The following BRINP1 variants were observed in gnomAD, a reference collection of about 807,000 sequenced individuals.
BRINP1 encodes BMP/retinoic acid-inducible neural-specific protein 1.
In BRINP1, 17 loss-of-function variants were observed where a neutral mutation model predicts 72.9. The observed-to-expected ratio is 0.23, with a 90% CI of 0.16 to 0.35. The LOEUF (loss-of-function observed/expected upper bound fraction) is 0.35. Among genes scored for constraint, BRINP1 ranks in the 10% least tolerant of loss-of-function variants. The probability of loss-of-function intolerance (pLI) is 1.00; values close to 1 mark genes in which losing one functional copy is unlikely to be tolerated. For synonymous variants in BRINP1, 418 were observed against 378.5 expected (o/e 1.10, Z -1.21); for missense variants, 850 against 1,001.6 (o/e 0.85, Z 2.04).
chr9:119,338,183 T>A (rs945699301), intron 1 of BRINP1, among the ~76,000 whole-genome samples: 1 of 152,042 alleles, frequency 6.6e-6, no homozygotes, highest in African/African-American at 2.4e-5. Flanking sequence ...CAATCTCCAA[T>A]CTCTAAGGCT....
At chr9:119,237,352 T>TATG (rs1018829903) in intron 5 of BRINP1, among the ~76,000 whole-genome samples, 2 of 118,266 alleles carry the variant, frequency 1.7e-5, no homozygotes, top group African/African-American at 5.2e-5. Flanking sequence ...GCTACATTAT[T>TATG]ATTATTATTA....
chr9:119,216,441 C>A (rs1250911761), intron 5 of BRINP1, among the ~76,000 whole-genome samples: 7 of 152,138 alleles, frequency 4.6e-5, no homozygotes, highest in African/African-American at 9.7e-5. Flanking sequence ...TGTACAAGGG[C>A]ATAACACACA....
intron 2 of BRINP1, among the ~76,000 whole-genome samples, chr9:119,291,412 G>A (rs958173477): frequency 2.6e-5 from 4 of 152,162 alleles, no homozygotes; most frequent in African/African-American, 9.7e-5. Context: ...TCCCTTTGGT[G>A]ACAGGACAGT....
intron 7 of BRINP1, among the ~76,000 whole-genome samples, chr9:119,172,704 T>C (rs1261338411): frequency 6.6e-6 from 1 of 151,774 alleles, no homozygotes; most frequent in Non-Finnish European, 1.5e-5. Flanking sequence ...ACCAATATCC[T>C]TGATGAACAT....
At chr9:119,278,421 C>T (rs943907892) in intron 2 of BRINP1, among the ~76,000 whole-genome samples, 7 of 152,186 alleles carry the variant, frequency 4.6e-5, no homozygotes, top group Admixed American at 2.0e-4. Context: ...TTTTTCTGGC[C>T]TCATATAGAG....
At chr9:119,278,748 C>T (rs539496128) in intron 2 of BRINP1, among the ~76,000 whole-genome samples, 6 of 151,882 alleles carry the variant, frequency 4.0e-5, no homozygotes, top group Middle Eastern at 3.2e-3. Flanking sequence ...ATTAGCTGGG[C>T]GTGGTGGTGC....
At chr9:119,288,474 CT>C (rs1830789499) in intron 2 of BRINP1, among the ~76,000 whole-genome samples, 1 of 152,064 alleles carries the variant, frequency 6.6e-6, no homozygotes, top group Admixed American at 6.5e-5. Context: ...CAACAGACTC[CT>C]TGTGGTAATG....
chr9:119,280,199 T>C (rs1830695281), intron 2 of BRINP1, among the ~76,000 whole-genome samples: 1 of 152,104 alleles, frequency 6.6e-6, no homozygotes, highest in Non-Finnish European at 1.5e-5. Context: ...AAAGATGCAG[T>C]TGGTTGTAGA....
chr9:119,286,504 G>T (rs756662070), intron 2 of BRINP1, among the ~76,000 whole-genome samples: 17 of 152,212 alleles, frequency 1.1e-4, no homozygotes, highest in Non-Finnish European at 1.6e-4. Context: ...AAAGTGATGG[G>T]ATTAAAGGCG....
intron 1 of BRINP1, among the ~76,000 whole-genome samples, chr9:119,363,427 C>T (rs916270828): frequency 6.6e-6 from 1 of 152,030 alleles, no homozygotes; most frequent in Non-Finnish European, 1.5e-5. Flanking sequence ...TTCTCTCTGC[C>T]TCTAATGCTC....
chr9:119,323,093 G>C (rs901831613), intron 1 of BRINP1, among the ~76,000 whole-genome samples: 1 of 152,142 alleles, frequency 6.6e-6, no homozygotes, highest in South Asian at 2.1e-4. Flanking sequence ...AGTGGAGTTT[G>C]AGTGGCCTCT....
intron 5 of BRINP1, among the ~76,000 whole-genome samples, chr9:119,228,169 A>C (rs142619962): frequency 6.7e-5 from 10 of 149,886 alleles, no homozygotes; most frequent in African/African-American, 2.2e-4. Context: ...CTCTTTCCAC[A>C]CTTCTTTCTC....
chr9:119,344,638 TA>T (rs974508157), intron 1 of BRINP1, among the ~76,000 whole-genome samples: 1 of 152,214 alleles, frequency 6.6e-6, no homozygotes, highest in Admixed American at 6.5e-5. Context: ...CAAGATGCTC[TA>T]GTTAAAATGC....
At position 119,350,902 on chromosome 9, in the gene BRINP1, C is replaced by CTT. The variant is rs796162745; in HGVS notation, c.-51+18152_-51+18153dup. ...TCAAAAACCACAAGTGTATTTATGT[C>CTT]TTTTTTTTTTTTTTTACTTCAAGTT... On this transcript the variant is annotated intron_variant, in intron 1 of 7. Transcript: ENST00000265922. Among the ~76,000 whole-genome samples the CTT allele has an allele frequency of 2.4e-3, 346 of 142,248 alleles. 4 individuals are homozygous for CTT. Among genetic ancestry groups the CTT allele is most frequent in the African/African-American group, 5.7e-3 (222 of 39,038 alleles). 93.3% of individuals were successfully genotyped at this position (142,248 alleles called of 152,430 possible).
At chr9:119,288,642 G>T (rs536321801) in intron 2 of BRINP1, among the ~76,000 whole-genome samples, 1 of 152,328 alleles carries the variant, frequency 6.6e-6, no homozygotes, top group South Asian at 2.1e-4. Context: ...TTAGCAAGAG[G>T]TGGGAAAATG....
intron 7 of BRINP1, among the ~76,000 whole-genome samples, chr9:119,190,730 AT>A (rs1021568925): frequency 3.3e-4 from 50 of 152,132 alleles, no homozygotes; most frequent in African/African-American, 1.2e-3. Context: ...TATTCAAAAA[AT>A]AATTGTTACC....
intron 1 of BRINP1, among the ~76,000 whole-genome samples, chr9:119,322,311 C>G (rs1434576833): frequency 6.6e-6 from 1 of 152,186 alleles, no homozygotes; most frequent in African/African-American, 2.4e-5. Context: ...GCACAGGGCT[C>G]TGGTCTACCC....
At chr9:119,236,524 A>G (rs1228302662) in intron 5 of BRINP1, among the ~76,000 whole-genome samples, 3 of 152,164 alleles carry the variant, frequency 2.0e-5, no homozygotes, top group African/African-American at 7.2e-5. Flanking sequence ...GATCTCAGTA[A>G]TTTCCTTGGT....
chr9:119,168,298 A>G (rs765766302), intron 7 of BRINP1, 74 bp from the exon 8 acceptor site: 1 of 1,244,764 alleles, frequency 8.0e-7, no homozygotes, highest in Non-Finnish European at 1.1e-6. Context: ...TCCAACTGAT[A>G]ATGCGAACTG....
Sources: gnomAD v4.1 joint callset for allele counts (sites outside exome capture counted in the v4.1 genomes callset) on GRCh38, gnomAD v4.1.1 for gene constraint, MANE v1.5 for transcripts, NCBI Gene and HGNC (gene_info 2026-07-23, HGNC 2026-07-21) for gene names.